Variants in SETDB2 observed in about 807,000 individuals in gnomAD.
SETDB2 encodes the protein SET domain bifurcated histone lysine methyltransferase 2, also known as histone-lysine N-methyltransferase SETDB2.
A neutral mutation model predicts 82.5 loss-of-function variants in SETDB2; 56 were observed. That is an observed-to-expected ratio of 0.68 (90% CI 0.55 to 0.85). The LOEUF (loss-of-function observed/expected upper bound fraction) is 0.85. Ranked by LOEUF, SETDB2 falls within the 40% of genes least tolerant of loss-of-function variation. The pLI is 0.00. For missense variants in SETDB2, 677 were observed against 816.4 expected (o/e 0.83, Z 2.08); for synonymous variants, 272 against 284.9 (o/e 0.95, Z 0.46).
chr13:49,486,630 C>T (rs1043500932), intron 11 of SETDB2, among the ~76,000 whole-genome samples: 1 of 152,174 alleles, frequency 6.6e-6, no homozygotes, highest in Non-Finnish European at 1.5e-5. Context: ...AAAATAAACA[C>T]ACATCACTTT....
chr13:49,480,474 A>C, intron 7 of SETDB2, 139 bp downstream of exon 7: 1 of 594,904 alleles, frequency 1.7e-6, no homozygotes, highest in East Asian at 2.9e-5. Context: ...TTAAGGAATA[A>C]AAATCCTGTG....
At chr13:49,454,250 A>T (rs1034124949) in intron 2 of SETDB2, among the ~76,000 whole-genome samples, 4 of 152,086 alleles carry the variant, frequency 2.6e-5, no homozygotes, top group African/African-American at 9.7e-5. Context: ...TTAAAAAAAA[A>T]TAATAATAGT....
At chr13:49,453,360 A>G (rs1957818126) in intron 2 of SETDB2, among the ~76,000 whole-genome samples, 1 of 151,174 alleles carries the variant, frequency 6.6e-6, no homozygotes. Context: ...GCAGCAGCGC[A>G]ATCTTGGCTC....
intron 4 of SETDB2, among the ~76,000 whole-genome samples, chr13:49,466,881 C>T (rs1409170327): frequency 1.6e-4 from 23 of 147,142 alleles, no homozygotes; most frequent in African/African-American, 5.0e-4. Context: ...GCCTTAAACT[C>T]CTGGCCTCAA....
At position 49,481,072 on chromosome 13, in the gene SETDB2, G is replaced by C; in HGVS notation, c.1112G>C (p.Cys371Ser). ...KTEQKGWGVR[C>S]LDDIDRGTFV... ...GAGCAGAAGGGATGGGGTGTACGCTGTCTAGATGACATTGACAGAGGGACA... is the reference window on the plus strand; with the variant it reads ...GAGCAGAAGGGATGGGGTGTACGCTCTCTAGATGACATTGACAGAGGGACA... The change falls in exon 8 of 14, where the codon TGT (cysteine) becomes TCT (serine). Residue 371 changes from cysteine to serine, a missense_variant. Cys to Ser is a moderately radical substitution (Grantham distance 112). This residue lies in a region of SETDB2 where 420 missense variants were observed against 554.6 expected (regional missense o/e 0.76). Transcript: ENST00000611815. 1 of 1,613,838 alleles carries C rather than the reference G, an allele frequency of 6.2e-7. No homozygotes were observed. Among genetic ancestry groups the C allele is most frequent in the Non-Finnish European group, 8.5e-7 (1 of 1,179,832 alleles).
intron 4 of SETDB2, among the ~76,000 whole-genome samples, chr13:49,463,457 G>T (rs1958038979): frequency 6.6e-6 from 1 of 152,198 alleles, no homozygotes; most frequent in South Asian, 2.1e-4. Context: ...GACAGCACTT[G>T]ACTTTTATAC....
intron 11 of SETDB2, among the ~76,000 whole-genome samples, chr13:49,487,290 A>C (rs1958615767): frequency 6.6e-6 from 1 of 152,112 alleles, no homozygotes; most frequent in South Asian, 2.1e-4. Flanking sequence ...GGCTCTTTTA[A>C]AGTAAGTAAT....
At chr13:49,487,504 T>G (rs1292252461) in intron 11 of SETDB2, among the ~76,000 whole-genome samples, 3 of 152,034 alleles carry the variant, frequency 2.0e-5, no homozygotes, top group South Asian at 4.1e-4. Context: ...TTGGCTAATT[T>G]CTTTTTTTTA....
Position 49,485,724 on chromosome 13 carries a change from G to C in SETDB2, c.1576+1G>C. ...AACTCTAAAACCAAGGGAGCACAAA[G>C]TAGGCTTTGTTTCTTCTGTGAATGC... On this transcript the variant is annotated splice_donor_variant, in intron 11 of 13. Transcript: ENST00000611815. LOFTEE classifies it high-confidence loss of function. 1 of 1,613,148 alleles carries C rather than the reference G, an allele frequency of 6.2e-7. No individual in the cohort carries two copies. Among genetic ancestry groups the C allele is most frequent in the Non-Finnish European group, 8.5e-7 (1 of 1,179,284 alleles).
intron 12 of SETDB2, chr13:49,489,089 T>C (rs1958649813): frequency 6.5e-6 from 1 of 153,338 alleles, no homozygotes; most frequent in Non-Finnish European, 1.5e-5. Context: ...TATGGAAAGA[T>C]TGCCACAATA....
At chr13:49,454,061 G>C (rs1957832287) in intron 2 of SETDB2, among the ~76,000 whole-genome samples, 1 of 152,010 alleles carries the variant, frequency 6.6e-6, no homozygotes, top group Admixed American at 6.6e-5. Context: ...AAAAAACTTA[G>C]TTCCCATCAC....
chr13:49,445,777 A>C (rs1957665745), intron 1 of SETDB2: 1 of 151,900 alleles, frequency 6.6e-6, no homozygotes, highest in African/African-American at 2.4e-5. Flanking sequence ...AAAAACACAA[A>C]AATTAGCCGG....
intron 6 of SETDB2, among the ~76,000 whole-genome samples, chr13:49,478,026 A>G (rs868171487): frequency 1.3e-5 from 2 of 152,174 alleles, no homozygotes; most frequent in African/African-American, 4.8e-5. Flanking sequence ...TGTACTTTTA[A>G]TTTAATGCAA....
At chr13:49,448,513 TA>T (rs1957733298) in intron 1 of SETDB2, among the ~76,000 whole-genome samples, 1 of 152,226 alleles carries the variant, frequency 6.6e-6, no homozygotes, top group Non-Finnish European at 1.5e-5. Context: ...TAAATGTTCT[TA>T]AATTTCTCCT....
rs554060494 is a variant in SETDB2, at chr13:49,480,017, A to G, written c.870-202A>G. Among the ~76,000 whole-genome samples, 162 of 152,334 alleles carry G rather than the reference A, an allele frequency of 1.1e-3. 1 individual carries two copies. The highest frequency in any genetic ancestry group is 3.1e-3 in the South Asian group (15 of 4,832). On this transcript the variant is annotated intron_variant, in intron 6 of 13. Coordinates refer to ENST00000611815, the MANE Select transcript of SETDB2 (RefSeq NM_001160308.3). Reference sequence around the variant, plus strand: ...TCATGAGCAAATAGAGTTGCAGTGCAGTTTATAATTATTTATAAACTTTTG... The same window carrying G: ...TCATGAGCAAATAGAGTTGCAGTGCGGTTTATAATTATTTATAAACTTTTG...
chr13:49,473,735 A>G (rs1958296629), intron 5 of SETDB2, among the ~76,000 whole-genome samples: 1 of 152,186 alleles, frequency 6.6e-6, no homozygotes, highest in Non-Finnish European at 1.5e-5. Context: ...AGTAACCTAT[A>G]TCAAAACAAA....
At chr13:49,483,016 G>C in intron 9 of SETDB2, 54 bp downstream of exon 9, 1 of 1,139,768 alleles carries the variant, frequency 8.8e-7, no homozygotes, top group Admixed American at 2.2e-5. Flanking sequence ...CAATCAATTG[G>C]TTCTTTTTCA....
At chr13:49,453,021 A>C (rs1014212852) in intron 2 of SETDB2, among the ~76,000 whole-genome samples, 1 of 152,162 alleles carries the variant, frequency 6.6e-6, no homozygotes, top group Non-Finnish European at 1.5e-5. Context: ...TCGGAAATAA[A>C]TCACTATAGG....
chr13:49,457,416 T>C (rs1037880941), intron 2 of SETDB2, among the ~76,000 whole-genome samples: 1 of 148,054 alleles, frequency 6.8e-6, no homozygotes, highest in East Asian at 2.0e-4. Context: ...TTTAGTAGCA[T>C]GTATTGGCAT....
Sources: gnomAD v4.1 joint callset for allele counts (sites outside exome capture counted in the v4.1 genomes callset) on GRCh38, gnomAD v4.1.1 for gene constraint, gnomAD v4.1.1 regional missense constraint, MANE v1.5 for transcripts, NCBI Gene and HGNC (gene_info 2026-07-23, HGNC 2026-07-21) for gene names.